The following ATP9B variants were observed in gnomAD, a reference collection of about 807,000 sequenced individuals.
ATP9B encodes the protein ATPase phospholipid transporting 9B, also known as probable phospholipid-transporting ATPase IIB.
ATP9B carries 110 observed loss-of-function variants against 146.1 expected under a neutral mutation model. That is an observed-to-expected ratio of 0.75 (90% CI 0.65 to 0.88). The LOEUF (loss-of-function observed/expected upper bound fraction) is 0.88. Ranked by LOEUF, ATP9B falls within the 40% of genes least tolerant of loss-of-function variation. The pLI, the probability that ATP9B is intolerant of heterozygous loss-of-function variation, is 0.00. For missense variants in ATP9B, 1,499 were observed against 1,496.4 expected (o/e 1.00, Z -0.03); for synonymous variants, 604 against 569.7 (o/e 1.06, Z -0.86).
At position 79,143,813 on chromosome 18, in the gene ATP9B, G is replaced by A. The variant is rs754080443; in HGVS notation, c.679G>A (p.Val227Ile). ...CTTCTTTTTTTAAGGTAAAGTGCAA[G>A]TTAAGAGTTCAGACATACAAGTTGG... The part of the protein sequence containing the change: ...SKLTVRGKVQ[V>I]KSSDIQVGDL... The change falls in exon 6 of 30, where the codon GTT becomes ATT. Residue 227 changes from valine (V) to isoleucine (I), a missense_variant. By Grantham distance (29) the Val-to-Ile change is conservative. Coordinates refer to ENST00000426216, the MANE Select transcript of ATP9B (RefSeq NM_198531.5). 19 of 1,582,264 alleles carry A rather than the reference G, an allele frequency of 1.2e-5. No individual in the cohort carries two copies. The highest frequency in any genetic ancestry group is 1.5e-5 in the Non-Finnish European group (17 of 1,167,604).
At chr18:79,103,627 CAATT>C (rs1315593308) in intron 2 of ATP9B, among the ~76,000 whole-genome samples, 1 of 151,742 alleles carries the variant, frequency 6.6e-6, no homozygotes, top group Non-Finnish European at 1.5e-5. Context: ...AACATCAGGT[CAATT>C]AAGTAAGGAT....
At chr18:79,359,316 T>C (rs2147818979) in intron 25 of ATP9B, 38 bp from the exon 26 acceptor site, 2 of 1,487,878 alleles carry the variant, frequency 1.3e-6, no homozygotes, top group South Asian at 1.1e-5. Context: ...GTGGTAGAAG[T>C]TTCTCACGCC....
chr18:79,230,550 A>G (rs1418158344), intron 11 of ATP9B, among the ~76,000 whole-genome samples: 4 of 152,216 alleles, frequency 2.6e-5, no homozygotes, highest in Non-Finnish European at 5.9e-5. Context: ...AAACTACAAA[A>G]TACTGCTGAA....
intron 20 of ATP9B, among the ~76,000 whole-genome samples, chr18:79,342,931 A>C (rs1360821536): frequency 6.6e-6 from 1 of 152,230 alleles, no homozygotes; most frequent in Non-Finnish European, 1.5e-5. Flanking sequence ...TGCTGCCTTA[A>C]CTAGTTCAAA....
At chr18:79,148,521 A>G (rs2094629071) in intron 6 of ATP9B, among the ~76,000 whole-genome samples, 1 of 152,230 alleles carries the variant, frequency 6.6e-6, no homozygotes, top group Non-Finnish European at 1.5e-5. Context: ...TTGCAGGAAG[A>G]CCATTTGACT....
At chr18:79,350,546 C>T (rs1331148579) in intron 25 of ATP9B, among the ~76,000 whole-genome samples, 2 of 152,164 alleles carry the variant, frequency 1.3e-5, no homozygotes, top group African/African-American at 4.8e-5. Flanking sequence ...CATGACTCTA[C>T]GTGACCAAAG....
At chr18:79,286,787 C>T (rs963618348) in intron 13 of ATP9B, among the ~76,000 whole-genome samples, 12 of 152,096 alleles carry the variant, frequency 7.9e-5, no homozygotes, top group Admixed American at 4.6e-4. Context: ...TTTTGAGATA[C>T]GTCCCATCAA....
At chr18:79,213,053 G>C (rs1391943116) in intron 10 of ATP9B, among the ~76,000 whole-genome samples, 1 of 152,098 alleles carries the variant, frequency 6.6e-6, no homozygotes, top group South Asian at 2.1e-4. Flanking sequence ...TTACTTCAAA[G>C]AGCCTGTCTT....
intron 7 of ATP9B, chr18:79,174,142 ATCTT>A: frequency 2.4e-6 from 1 of 410,610 alleles, no homozygotes; most frequent in South Asian, 1.8e-5. Flanking sequence ...CATCTGCTCT[ATCTT>A]TCTGGAAGTA....
At chr18:79,114,828 C>G (rs1292956641) in intron 4 of ATP9B, among the ~76,000 whole-genome samples, 1 of 152,042 alleles carries the variant, frequency 6.6e-6, no homozygotes, top group East Asian at 1.9e-4. Flanking sequence ...CCTGTGTTGC[C>G]TTTTTGGAGG....
chr18:79,199,280 A>G (rs1368648225), intron 9 of ATP9B, among the ~76,000 whole-genome samples: 1 of 152,144 alleles, frequency 6.6e-6, no homozygotes, highest in East Asian at 1.9e-4. Flanking sequence ...CACAAAGTAA[A>G]TTACACAAAG....
chr18:79,293,508 G>C (rs1330741421), intron 13 of ATP9B, among the ~76,000 whole-genome samples: 1 of 152,094 alleles, frequency 6.6e-6, no homozygotes, highest in African/African-American at 2.4e-5. Flanking sequence ...TGGCCCTCTT[G>C]AGCCTCCTCC....
intron 6 of ATP9B, chr18:79,144,610 G>T (rs2094554931): frequency 6.6e-6 from 1 of 152,274 alleles, no homozygotes; most frequent in African/African-American, 2.4e-5. Flanking sequence ...CTGCTGTGCA[G>T]CGCCATTCTT....
At chr18:79,097,871 T>C (rs1262801395) in intron 2 of ATP9B, among the ~76,000 whole-genome samples, 2 of 150,424 alleles carry the variant, frequency 1.3e-5, no homozygotes, top group African/African-American at 2.5e-5. Flanking sequence ...GCATGATTTA[T>C]AGTCATTTGG....
chr18:79,316,060 G>A (rs547679465), intron 15 of ATP9B, among the ~76,000 whole-genome samples: 1 of 152,256 alleles, frequency 6.6e-6, no homozygotes, highest in African/African-American at 2.4e-5. Context: ...ATAATGTCAG[G>A]CAGCAGTTAA....
At chr18:79,090,382 TCCC>T (rs1329605815) in intron 1 of ATP9B, among the ~76,000 whole-genome samples, 1 of 152,240 alleles carries the variant, frequency 6.6e-6, no homozygotes, top group Non-Finnish European at 1.5e-5. Flanking sequence ...TAATTTACAT[TCCC>T]ACCAACAGTG....
At chr18:79,345,660 A>G in intron 22 of ATP9B, 88 bp downstream of exon 22, 1 of 1,598,064 alleles carries the variant, frequency 6.3e-7, no homozygotes, top group Non-Finnish European at 8.5e-7. Context: ...CATCTCTAAA[A>G]CTAGATTGAT....
intron 23 of ATP9B, among the ~76,000 whole-genome samples, chr18:79,346,601 C>T (rs1188139213): frequency 8.3e-6 from 1 of 120,960 alleles, no homozygotes; most frequent in African/African-American, 3.2e-5. Flanking sequence ...AGCACACATT[C>T]GGCACACATT....
chr18:79,349,899 C>G (rs982238047), intron 25 of ATP9B, among the ~76,000 whole-genome samples: 2 of 151,212 alleles, frequency 1.3e-5, no homozygotes, highest in Non-Finnish European at 3.0e-5. Context: ...CCCGCACCCC[C>G]CCCCCCACCA....
Sources: allele counts gnomAD v4.1 joint callset (sites outside exome capture counted in the v4.1 genomes callset), GRCh38; gene constraint gnomAD v4.1.1; transcripts MANE v1.5; gene names NCBI Gene and HGNC (gene_info 2026-07-23, HGNC 2026-07-21).